TTC36: variants seen among roughly 807,000 people sequenced by gnomAD.
The protein encoded by TTC36 is tetratricopeptide repeat domain 36, also known as tetratricopeptide repeat protein 36.
Under a neutral mutation model 17.5 loss-of-function variants are expected in TTC36, and 15 were observed. The ratio of observed to expected loss-of-function variants is 0.86; its 90% CI spans 0.57 to 1.32. The LOEUF (loss-of-function observed/expected upper bound fraction) is 1.32. TTC36 is among the 40% of genes most tolerant of loss of function. The pLI is 0.00. For missense variants in TTC36, 292 were observed against 260.9 expected, an observed-to-expected ratio of 1.12 and a Z score of -0.82; for synonymous variants, 112 against 109.8, an observed-to-expected ratio of 1.02 and a Z score of -0.13.
chr11:118,528,674 G>A lies in TTC36; in HGVS notation c.190G>A (p.Ala64Thr), dbSNP rs1555056438. The A allele has an allele frequency of 1.9e-6, 3 of 1,612,616 alleles. No homozygotes were observed. The highest frequency in any genetic ancestry group is 2.7e-5 in the African/African-American group (2 of 74,924). The stretch of plus-strand genomic sequence containing the variant: ...GCTGCAGGGGGTGATGGCAGCAGAG[G>A]CTGGGGACCTCAGCACAGCCCTGGA... ...LELQGVMAAE[A>T]GDLSTALERF... The change falls in exon 2 of 3, where the codon GCT becomes ACT. Residue 64 changes from alanine to threonine, a missense_variant. By Grantham distance (58) the Ala-to-Thr change is moderately conservative (BLOSUM62 0). Coordinates refer to ENST00000302783, the MANE Select transcript of TTC36 (RefSeq NM_001080441.4).
In TTC36 at chr11:118,530,757, C is replaced by G. The variant is rs929586914; in HGVS notation, c.411C>G (p.Gly137=). 98 of 1,506,444 alleles carry G rather than the reference C, an allele frequency of 6.5e-5. No individual in the cohort carries two copies. The highest frequency in any genetic ancestry group is 8.4e-5 in the Non-Finnish European group (96 of 1,136,956). The allele number at this position is 1,506,444 out of a possible 1,614,324, so 93.3% of individuals were successfully genotyped here. ...VQRGLLARLQ[G]RDDDARRDFE... Reference sequence around the variant, plus strand: ...GCGGACTCCTGGCGCGGCTGCAGGGCCGAGACGACGACGCCCGCAGGGACT... The same window carrying G: ...GCGGACTCCTGGCGCGGCTGCAGGGGCGAGACGACGACGCCCGCAGGGACT... Residue 137 remains glycine (G), a synonymous_variant, in exon 3 of 3, where the codon GGC becomes GGG. Coordinates refer to ENST00000302783, the MANE Select transcript of TTC36 (RefSeq NM_001080441.4). The surrounding 1 kb of genome is among the most constrained non-coding windows in gnomAD (Gnocchi z 5.8).
In TTC36 at chr11:118,528,766, C is replaced by G. The variant is rs1228276799; in HGVS notation, c.282C>G (p.Ala94=). The G allele has an allele frequency of 6.2e-7, 1 of 1,610,840 alleles. No homozygotes were observed. Among genetic ancestry groups the G allele is most frequent in the Non-Finnish European group, 8.5e-7 (1 of 1,178,840 alleles). The part of the protein sequence containing the change: ...RASAYNNRAQ[A]RRLQGDVAGA... ...CAGCCTACAACAACCGTGCCCAGGC[C>G]CGGCGACTCCAGGGAGACGTGGCAG... Residue 94 remains alanine (A), a synonymous_variant, in exon 2 of 3, where the codon GCC becomes GCG. Coordinates refer to ENST00000302783, the MANE Select transcript of TTC36 (RefSeq NM_001080441.4).
chr11:118,528,594 C>T lies in TTC36; in HGVS notation c.119-9C>T. The T allele has an allele frequency of 6.4e-7, 1 of 1,553,348 alleles. No individual in the cohort carries two copies. The highest frequency in any genetic ancestry group is 8.7e-7 in the Non-Finnish European group (1 of 1,145,238). On this transcript the variant is annotated splice_polypyrimidine_tract_variant and intron_variant, in intron 1 of 2. Transcript: ENST00000302783. ...CACCTGGCTTCTCCTGGCTCCTTCCCTGGCCCAGATGAAGTTTTCCCTCAA... is the reference window on the plus strand; with the variant it reads ...CACCTGGCTTCTCCTGGCTCCTTCCTTGGCCCAGATGAAGTTTTCCCTCAA...
At chr11:118,529,783 G>GATTCCTCC (rs1555056884) in intron 2 of TTC36, among the ~76,000 whole-genome samples, 1 of 152,214 alleles carries the variant, frequency 6.6e-6, no homozygotes, top group African/African-American at 2.4e-5. Context: ...TCCAACTGGA[G>GATTCCTCC]ATTCCTCCAG....
rs1239931925 is a variant in TTC36 at position 118,527,598 on chromosome 11, A to G, written c.104A>G (p.Glu35Gly). 1 of 1,613,562 alleles carries G rather than the reference A, an allele frequency of 6.2e-7. No homozygotes were observed. The highest frequency in any genetic ancestry group is 2.2e-5 in the East Asian group (1 of 44,896). Reference protein sequence around the residue: ...GLDLGEEAEKEEREEDEVFPQ... With the variant: ...GLDLGEEAEKGEREEDEVFPQ... Reference sequence around the variant, plus strand: ...GACCTCGGAGAGGAAGCAGAAAAGGAAGAACGAGAAGAAGGTGGGCATTTG... The same window carrying G: ...GACCTCGGAGAGGAAGCAGAAAAGGGAGAACGAGAAGAAGGTGGGCATTTG... The change falls in exon 1 of 3, where the codon GAA becomes GGA. Residue 35 changes from glutamate to glycine, a missense_variant. Physicochemically the swap from Glu to Gly is moderately conservative, Grantham distance 98. Coordinates refer to ENST00000302783, the MANE Select transcript of TTC36 (RefSeq NM_001080441.4).
rs782088101 is a variant in TTC36 at position 118,528,627 on chromosome 11, T to C, written c.143T>C (p.Leu48Pro). ...EEDEVFPQAQ[L>P]EQSKALELQG... ...GATGAAGTTTTCCCTCAAGCACAGC[T>C]GGAACAGTCCAAGGCCCTGGAGCTG... Residue 48 changes from leucine (L) to proline (P), a missense_variant, in exon 2 of 3, where the codon CTG becomes CCG. Transcript: ENST00000302783. 1 of 1,596,604 alleles carries C rather than the reference T, an allele frequency of 6.3e-7. No individual in the cohort carries two copies. The highest frequency in any genetic ancestry group is 1.1e-5 in the South Asian group (1 of 88,010).
At position 118,528,851 on chromosome 11, in the gene TTC36, C is replaced by T. The variant is rs981621490; in HGVS notation, c.307+60C>T. 74 of 1,459,962 alleles carry T rather than the reference C, an allele frequency of 5.1e-5. 1 individual carries two copies. In the African/African-American group the frequency reaches 5.9e-4, roughly 12 times the overall value. 90.4% of individuals were successfully genotyped at this position (1,459,962 alleles called of 1,614,324 possible). ...GCCCACGGGAGGGCACAGACCAGAA[C>T]TGAAGTGGCTGTGCGGCTGGGGTGG... is the stretch of plus-strand genomic sequence containing the variant. On this transcript the variant is annotated intron_variant, in intron 2 of 2. Transcript: ENST00000302783.
chr11:118,528,833 G>T, intron 2 of TTC36, 42 bp downstream of exon 2: 1 of 1,541,292 alleles, frequency 6.5e-7, no homozygotes, highest in South Asian at 1.3e-5. Context: ...AGGGCCCACG[G>T]GAGGGCACAG....
intron 1 of TTC36, among the ~76,000 whole-genome samples, chr11:118,528,365 C>A (rs1555056342): frequency 6.6e-6 from 1 of 152,176 alleles, no homozygotes; most frequent in Non-Finnish European, 1.5e-5. Context: ...GGGCTTCATT[C>A]TCTTGGCAAT....
Position 118,530,689 on chromosome 11 carries a change from A to C in TTC36, c.343A>C (p.Ser115Arg). The change falls in exon 3 of 3, where the codon AGC (serine) becomes CGC (arginine). Residue 115 changes from serine (S) to arginine (R), a missense_variant. Ser to Arg is a moderately radical substitution (Grantham distance 110, BLOSUM62 -1). Coordinates refer to ENST00000302783, the MANE Select transcript of TTC36 (RefSeq NM_001080441.4). This position sits in a 1 kb window ranked among gnomAD's most constrained non-coding sequence, Gnocchi z 5.8. Reference sequence around the variant, plus strand: ...GGATCTGGAACGCGCGGTGGAGCTGAGCGGCGGCCGGGGCCGCGCCGCCCG... The same window carrying C: ...GGATCTGGAACGCGCGGTGGAGCTGCGCGGCGGCCGGGGCCGCGCCGCCCG... ...LEDLERAVELSGGRGRAARQS... is the reference protein window; with the variant it reads ...LEDLERAVELRGGRGRAARQS... 1 of 1,475,936 alleles carries C rather than the reference A, an allele frequency of 6.8e-7. No individual in the cohort carries two copies. The highest frequency in any genetic ancestry group is 8.9e-7 in the Non-Finnish European group (1 of 1,122,396). 91.4% of individuals were successfully genotyped at this position (1,475,936 alleles called of 1,614,324 possible).
chr11:118,527,555 G>A lies in TTC36; in HGVS notation c.61G>A (p.Gly21Arg). ...QAIFNPDTPF[G>R]DIVGLDLGEE... Reference sequence around the variant, plus strand: ...CATCTTCAACCCTGACACCCCATTTGGAGACATTGTTGGATTGGACCTCGG... The same window carrying A: ...CATCTTCAACCCTGACACCCCATTTAGAGACATTGTTGGATTGGACCTCGG... Residue 21 changes from glycine (G) to arginine (R), a missense_variant, in exon 1 of 3, where the codon GGA becomes AGA. Coordinates refer to ENST00000302783, the MANE Select transcript of TTC36 (RefSeq NM_001080441.4). 1 of 1,614,180 alleles carries A rather than the reference G, an allele frequency of 6.2e-7. No homozygotes were observed. The highest frequency in any genetic ancestry group is 8.5e-7 in the Non-Finnish European group (1 of 1,180,034).
Position 118,528,755 on chromosome 11 carries a change from C to G in TTC36, c.271C>G (p.Arg91Gly). ...LPERASAYNN[R>G]AQARRLQGDV... ...TGAGAGGGCTTCAGCCTACAACAACCGTGCCCAGGCCCGGCGACTCCAGGG... is the reference window on the plus strand; with the variant it reads ...TGAGAGGGCTTCAGCCTACAACAACGGTGCCCAGGCCCGGCGACTCCAGGG... The change falls in exon 2 of 3, where the codon CGT becomes GGT. Residue 91 changes from arginine (R) to glycine (G), a missense_variant. Physicochemically the swap from Arg to Gly is moderately radical, Grantham distance 125 (BLOSUM62 -2). Coordinates refer to ENST00000302783, the MANE Select transcript of TTC36 (RefSeq NM_001080441.4). 2 of 1,612,254 alleles carry G rather than the reference C, an allele frequency of 1.2e-6. No homozygotes were observed. The highest frequency in any genetic ancestry group is 1.7e-6 in the Non-Finnish European group (2 of 1,179,380).
At position 118,530,905 on chromosome 11, in the gene TTC36, G is replaced by A; in HGVS notation, c.559G>A (p.Asp187Asn). ...GATGGGGCAGCTGCGCCGCCCCCGT[G>A]ACAGCCGCTGAGCGCCGCGGACCCG... Reference protein sequence around the residue: ...DMMGQLRRPRDSR With the variant: ...DMMGQLRRPRNSR Residue 187 changes from aspartate (D) to asparagine (N), a missense_variant, in exon 3 of 3, where the codon GAC becomes AAC. Physicochemically the swap from Asp to Asn is conservative, Grantham distance 23 (BLOSUM62 1). Coordinates refer to ENST00000302783, the MANE Select transcript of TTC36 (RefSeq NM_001080441.4). The surrounding 1 kb of genome is among the most constrained non-coding windows in gnomAD (Gnocchi z 5.8). 1 of 1,502,372 alleles carries A rather than the reference G, an allele frequency of 6.7e-7. No individual in the cohort carries two copies. Among genetic ancestry groups the A allele is most frequent in the Non-Finnish European group, 8.8e-7 (1 of 1,133,146 alleles). 93.1% of individuals were successfully genotyped at this position (1,502,372 alleles called of 1,614,324 possible).
Position 118,530,685 on chromosome 11 carries a change from G to A in TTC36, c.339G>A (p.Glu113=). Residue 113 remains glutamate (E), a synonymous_variant, in exon 3 of 3, where the codon GAG becomes GAA. Transcript: ENST00000302783. This position sits in a 1 kb window ranked among gnomAD's most constrained non-coding sequence, Gnocchi z 5.8. ...TGGAGGATCTGGAACGCGCGGTGGA[G>A]CTGAGCGGCGGCCGGGGCCGCGCCG... ...GALEDLERAV[E]LSGGRGRAAR... The A allele has an allele frequency of 3.4e-6, 5 of 1,475,652 alleles. No homozygotes were observed. The highest frequency in any genetic ancestry group is 4.5e-6 in the Non-Finnish European group (5 of 1,122,222). The allele number at this position is 1,475,652 out of a possible 1,614,324, so 91.4% of individuals were successfully genotyped here. A position where few individuals can be genotyped will look rare whatever the true frequency, so the allele number is the denominator to read the frequency against.
At chr11:118,527,670 G>A in intron 1 of TTC36, 58 bp downstream of exon 1, 4 of 1,269,682 alleles carry the variant, frequency 3.2e-6, no homozygotes, top group Non-Finnish European at 3.5e-6. Flanking sequence ...GGCCTCCCGA[G>A]GTAGCAGAGA....
rs1555056071 is a variant in TTC36 at position 118,527,603 on chromosome 11, C to T, written c.109C>T (p.Arg37Ter). 8 of 1,613,346 alleles carry T rather than the reference C, an allele frequency of 5.0e-6. No individual in the cohort carries two copies. The South Asian group carries it at 6.6e-5, about 13-fold the overall frequency. The change falls in exon 1 of 3, where the codon CGA becomes TGA. Residue 37 changes from arginine (R) to a stop codon, truncating the protein, a stop_gained. Coordinates refer to ENST00000302783, the MANE Select transcript of TTC36 (RefSeq NM_001080441.4). LOFTEE classifies it high-confidence loss of function. ...DLGEEAEKEE[R>*]EEDEVFPQAQ... ...CGGAGAGGAAGCAGAAAAGGAAGAA[C>T]GAGAAGAAGGTGGGCATTTGATCTG...
chr11:118,527,576 C>G lies in TTC36; in HGVS notation c.82C>G (p.Leu28Val), dbSNP rs782613636. The G allele has an allele frequency of 1.2e-6, 2 of 1,614,134 alleles. No homozygotes were observed. The highest frequency in any genetic ancestry group is 2.2e-5 in the South Asian group (2 of 91,080). The change falls in exon 1 of 3, where the codon CTC becomes GTC. Residue 28 changes from leucine to valine, a missense_variant. By Grantham distance (32) the Leu-to-Val change is conservative. Coordinates refer to ENST00000302783, the MANE Select transcript of TTC36 (RefSeq NM_001080441.4). Reference protein sequence around the residue: ...TPFGDIVGLDLGEEAEKEERE... With the variant: ...TPFGDIVGLDVGEEAEKEERE... ...ATTTGGAGACATTGTTGGATTGGAC[C>G]TCGGAGAGGAAGCAGAAAAGGAAGA...
At chr11:118,528,535 C>T (rs1303773491) in intron 1 of TTC36, 68 bp from the exon 2 acceptor site, 3 of 1,470,670 alleles carry the variant, frequency 2.0e-6, no homozygotes, top group Non-Finnish European at 1.8e-6. Flanking sequence ...ATTCCAAAGC[C>T]TGAGGTGGCT....
In TTC36 at chr11:118,528,627, TG is replaced by T. The variant is rs1267822706; in HGVS notation, c.145del (p.Glu49AsnfsTer11). On this transcript the variant is annotated frameshift_variant, in exon 2 of 3. Coordinates refer to ENST00000302783, the MANE Select transcript of TTC36 (RefSeq NM_001080441.4). LOFTEE classifies it high-confidence loss of function. ...EEDEVFPQAQ[L>X]EQSKALELQG... is the part of the protein sequence containing the mutation. The stretch of plus-strand genomic sequence containing the variant: ...GATGAAGTTTTCCCTCAAGCACAGC[TG>T]GAACAGTCCAAGGCCCTGGAGCTGC... 1 of 1,596,486 alleles carries T rather than the reference TG, an allele frequency of 6.3e-7. No individual in the cohort carries two copies. The highest frequency in any genetic ancestry group is 1.3e-5 in the African/African-American group (1 of 74,516).
Sources: allele counts gnomAD v4.1 joint callset (sites outside exome capture counted in the v4.1 genomes callset), GRCh38; gene constraint gnomAD v4.1.1; non-coding constraint Gnocchi (gnomAD v3.1); transcripts MANE v1.5; gene names NCBI Gene and HGNC (gene_info 2026-07-23, HGNC 2026-07-21).